Variants in PCDH15 observed in about 807,000 individuals in gnomAD.
The protein encoded by PCDH15 is protocadherin-15.
Under a neutral mutation model 178.5 loss-of-function variants are expected in PCDH15, and 129 were observed. That is an observed-to-expected ratio of 0.72 (90% CI 0.63 to 0.84). The LOEUF is 0.84. Ranked by LOEUF, PCDH15 falls within the 40% of genes least tolerant of loss-of-function variation. PCDH15 has a pLI of 0.00. For missense variants in PCDH15, 2,230 were observed against 2,099.9 expected (o/e 1.06, Z -1.21); for synonymous variants, 800 against 732.0 (o/e 1.09, Z -1.50).
chr10:54,917,131 T>C (rs1272109591), intron 2 of PCDH15, among the ~76,000 whole-genome samples: 1 of 152,186 alleles, frequency 6.6e-6, no homozygotes, highest in Non-Finnish European at 1.5e-5. Flanking sequence ...AGTTGGACCA[T>C]AAATACGTAA....
At chr10:54,082,049 C>T (rs2094444269) in intron 16 of PCDH15, among the ~76,000 whole-genome samples, 1 of 152,182 alleles carries the variant, frequency 6.6e-6, no homozygotes, top group Non-Finnish European at 1.5e-5. Context: ...ATCCTACCAT[C>T]TCACTGGCTC....
chr10:54,549,519 T>C (rs771468098), intron 2 of PCDH15, among the ~76,000 whole-genome samples: 5 of 152,096 alleles, frequency 3.3e-5, no homozygotes, highest in African/African-American at 1.2e-4. Context: ...AATGTGGGTA[T>C]ACTAATAGAT....
rs190117541 is a variant in PCDH15 at position 54,298,290 on chromosome 10, T to C, written c.876+18981A>G. Among the ~76,000 whole-genome samples, 394 of 152,234 alleles carry C rather than the reference T, an allele frequency of 2.6e-3. 1 individual carries two copies. Among genetic ancestry groups the C allele is most frequent in the African/African-American group, 7.1e-3 (296 of 41,552 alleles). ...AGATATCAAAAGAAAGCTCCAAAAG[T>C]GAGCCCTAGGCCCTGAATAAAATCT... On this transcript the variant is annotated intron_variant, in intron 8 of 37. Coordinates refer to ENST00000644397, the MANE Select transcript of PCDH15 (RefSeq NM_001384140.1).
intron 2 of PCDH15, among the ~76,000 whole-genome samples, chr10:55,007,365 T>C (rs1198702933): frequency 6.7e-6 from 1 of 149,762 alleles, no homozygotes; most frequent in South Asian, 2.1e-4. Flanking sequence ...TTTCAGAAAA[T>C]AGTGTTGTGG....
intron 2 of PCDH15, among the ~76,000 whole-genome samples, chr10:55,032,977 G>T (rs1840648517): frequency 6.6e-6 from 1 of 152,098 alleles, no homozygotes; most frequent in African/African-American, 2.4e-5. Context: ...GCCCAGTTGT[G>T]CCTGAAATCA....
intron 1 of PCDH15, among the ~76,000 whole-genome samples, chr10:54,681,521 ATATGT>A (rs1187523581): frequency 6.6e-6 from 1 of 152,186 alleles, no homozygotes; most frequent in Non-Finnish European, 1.5e-5. Flanking sequence ...GAGAATGCTA[ATATGT>A]TGAGTGCCAC....
At chr10:55,183,629 T>G (rs1839712769) in intron 1 of PCDH15, among the ~76,000 whole-genome samples, 1 of 151,084 alleles carries the variant, frequency 6.6e-6, no homozygotes, top group South Asian at 2.1e-4. Flanking sequence ...CTAAAACTGC[T>G]TACATTGTTT....
chr10:54,517,522 A>T (rs2082358576), intron 3 of PCDH15, among the ~76,000 whole-genome samples: 1 of 152,262 alleles, frequency 6.6e-6, no homozygotes, highest in East Asian at 1.9e-4. Flanking sequence ...TATCCTAAAT[A>T]TATATGCACC....
chr10:54,863,973 G>T (rs1006599628), intron 3 of PCDH15, among the ~76,000 whole-genome samples: 13 of 152,150 alleles, frequency 8.5e-5, no homozygotes, highest in African/African-American at 3.1e-4. Context: ...CATATTTAAA[G>T]CTCTTCTTGA....
chr10:53,947,794 A>G (rs1352991027), intron 23 of PCDH15, among the ~76,000 whole-genome samples: 1 of 152,220 alleles, frequency 6.6e-6, no homozygotes, highest in African/African-American at 2.4e-5. Flanking sequence ...TTCTGTCACT[A>G]AGAGTTTTGC....
At chr10:54,736,416 C>T (rs916671632) in intron 1 of PCDH15, among the ~76,000 whole-genome samples, 4 of 152,018 alleles carry the variant, frequency 2.6e-5, no homozygotes, top group Non-Finnish European at 4.4e-5. Context: ...CCCCAACAAA[C>T]GCAGCCCTCA....
intron 26 of PCDH15, among the ~76,000 whole-genome samples, chr10:53,875,124 C>T (rs971669242): frequency 1.3e-5 from 2 of 151,316 alleles, no homozygotes; most frequent in Non-Finnish European, 2.9e-5. Context: ...AGAGAGAAAG[C>T]GAGAATAGAA....
intron 2 of PCDH15, among the ~76,000 whole-genome samples, chr10:55,326,371 G>C (rs1044443694): frequency 2.6e-5 from 4 of 152,078 alleles, no homozygotes; most frequent in African/African-American, 9.7e-5. Context: ...AGAAAATGTA[G>C]TACATGCATA....
chr10:55,274,213 A>C (rs1842525028), intron 1 of PCDH15, among the ~76,000 whole-genome samples: 1 of 152,108 alleles, frequency 6.6e-6, no homozygotes, highest in Non-Finnish European at 1.5e-5. Flanking sequence ...TCCCTCAGCA[A>C]TACTGATTGA....
chr10:54,773,301 G>A (rs1195018837), intron 1 of PCDH15, among the ~76,000 whole-genome samples: 1 of 151,960 alleles, frequency 6.6e-6, no homozygotes, highest in African/African-American at 2.4e-5. Flanking sequence ...ATCTAAATGA[G>A]TCATAAAATA....
chr10:54,728,260 T>A (rs1566057789), intron 1 of PCDH15, among the ~76,000 whole-genome samples: 1 of 151,570 alleles, frequency 6.6e-6, no homozygotes, highest in Non-Finnish European at 1.5e-5. Flanking sequence ...ATTCCTGGGA[T>A]GCAAGGTTAG....
intron 1 of PCDH15, among the ~76,000 whole-genome samples, chr10:55,185,698 G>T (rs763347716): frequency 6.6e-6 from 1 of 151,594 alleles, no homozygotes; most frequent in African/African-American, 2.4e-5. Context: ...TGTTTTCTAT[G>T]CATGAACAGA....
intron 1 of PCDH15, among the ~76,000 whole-genome samples, chr10:54,699,601 A>G (rs894094991): frequency 6.6e-6 from 1 of 152,120 alleles, no homozygotes; most frequent in African/African-American, 2.4e-5. Flanking sequence ...GGCCAACAGC[A>G]AAGTGGCTGA....
intron 10 of PCDH15, among the ~76,000 whole-genome samples, chr10:54,210,274 T>C (rs2051278085): frequency 6.6e-6 from 1 of 152,032 alleles, no homozygotes. Flanking sequence ...CACATGTAAG[T>C]ATTTAGATAG....
Sources: allele counts gnomAD v4.1 joint callset (sites outside exome capture counted in the v4.1 genomes callset), GRCh38; gene constraint gnomAD v4.1.1; transcripts MANE v1.5; gene names NCBI Gene and HGNC (gene_info 2026-07-23, HGNC 2026-07-21).